Variants in KMT2C observed in about 807,000 individuals in gnomAD.
KMT2C encodes the protein histone-lysine N-methyltransferase 2C.
KMT2C carries 88 observed loss-of-function variants against 507.9 expected under a neutral mutation model. The ratio of observed to expected loss-of-function variants is 0.17; its 90% confidence interval spans 0.15 to 0.21. The LOEUF (loss-of-function observed/expected upper bound fraction) is 0.21. Ranked by LOEUF, KMT2C falls within the 10% of genes least tolerant of loss-of-function variation. The pLI is 1.00. For missense variants in KMT2C, 4,954 were observed against 5,957.8 expected (o/e 0.83, Z 5.55); for synonymous variants, 2,049 against 2,080.8 (o/e 0.98, Z 0.42).
chr7:152,388,877 T>A (rs1199539437), intron 1 of KMT2C, among the ~76,000 whole-genome samples: 1 of 152,284 alleles, frequency 6.6e-6, no homozygotes, highest in East Asian at 1.9e-4. Context: ...GCCTCCCAAG[T>A]AGCTGGGATT....
chr7:152,222,812 C>T (rs2094816336), intron 20 of KMT2C, 130 bp from the exon 21 acceptor site: 3 of 609,582 alleles, frequency 4.9e-6, no homozygotes, highest in Non-Finnish European at 8.9e-6. Context: ...CCTACCTTGC[C>T]CTTTTCTCCT....
At chr7:152,343,220 C>T (rs1178795872) in intron 2 of KMT2C, among the ~76,000 whole-genome samples, 1 of 151,940 alleles carries the variant, frequency 6.6e-6, no homozygotes, top group Non-Finnish European at 1.5e-5. Flanking sequence ...AATATGCTAA[C>T]GGTTCTAATG....
chr7:152,387,634 C>T (rs2097443602), intron 1 of KMT2C, among the ~76,000 whole-genome samples: 4 of 152,214 alleles, frequency 2.6e-5, no homozygotes, highest in Non-Finnish European at 5.9e-5. Context: ...CCATACCCGG[C>T]TAATTTTTTG....
At chr7:152,367,738 T>C (rs1226763034) in intron 1 of KMT2C, 7 of 1,142,532 alleles carry the variant, frequency 6.1e-6, no homozygotes, top group African/African-American at 1.5e-5. Context: ...TGGCAGCCTC[T>C]TATCGATTAC....
rs2096400901 is a variant in KMT2C, at chr7:152,290,286, ATATATATATTTTTTTTTTTTTTT to A, written c.850-16442_850-16420del. On this transcript the variant is annotated intron_variant, in intron 6 of 58. Coordinates refer to ENST00000262189, the MANE Select transcript of KMT2C (RefSeq NM_170606.3). ...TATATATATATATATATATATATAT[ATATATATATTTTTTTTTTTTTTT>A]TTTTTTTTTTTTTTTGTCTGAGATG... Among the ~76,000 whole-genome samples, 36 of 33,808 alleles carry A rather than the reference ATATATATATTTTTTTTTTTTTTT, an allele frequency of 1.1e-3. 3 individuals are homozygous for A. Among genetic ancestry groups the A allele is most frequent in the African/African-American group, 5.3e-3 (35 of 6,630 alleles). The allele number at this position is 33,808 out of a possible 152,430, so 22.2% of individuals were successfully genotyped here.
chr7:152,223,132 A>G (rs1188078194), intron 20 of KMT2C, among the ~76,000 whole-genome samples: 2 of 152,194 alleles, frequency 1.3e-5, no homozygotes, highest in Admixed American at 1.3e-4. Context: ...CTTGCAATGG[A>G]ACAAATAATT....
At chr7:152,153,048 G>C (rs2129097946) in intron 48 of KMT2C, 94 bp from the exon 49 acceptor site, 1 of 1,408,904 alleles carries the variant, frequency 7.1e-7, no homozygotes, top group Non-Finnish European at 9.6e-7. Context: ...CTCTTTGCAT[G>C]ATACATAGAT....
At chr7:152,373,677 GTTCT>G (rs1157005441) in intron 1 of KMT2C, among the ~76,000 whole-genome samples, 16 of 152,196 alleles carry the variant, frequency 1.1e-4, no homozygotes, top group African/African-American at 3.6e-4. Flanking sequence ...TGTTAAAAGA[GTTCT>G]TTAAGATTGT....
intron 14 of KMT2C, among the ~76,000 whole-genome samples, chr7:152,243,541 G>A (rs2095421290): frequency 6.6e-6 from 1 of 152,084 alleles, no homozygotes; most frequent in Non-Finnish European, 1.5e-5. Flanking sequence ...CAGCACTTTG[G>A]GAGGACAAGG....
Position 152,148,724 on chromosome 7 carries a change from T to A in KMT2C, c.13203A>T (p.Lys4401Asn), listed in dbSNP as rs1329495551. ...KPDPVPKDYR[K>N]CCFCHEEGDG... ...CACCTTCTTCATGACAAAAGCAACATTTCCGATAGTCTTTGGGCACAGGAT... is the reference window on the plus strand; with the variant it reads ...CACCTTCTTCATGACAAAAGCAACAATTCCGATAGTCTTTGGGCACAGGAT... Residue 4401 changes from lysine to asparagine, a missense_variant, in exon 52 of 59, where the codon AAA becomes AAT. Physicochemically the swap from Lys to Asn is moderately conservative, Grantham distance 94 (BLOSUM62 0). Around this residue, in one of 29 missense-constraint regions of KMT2C, gnomAD observed 39 missense variants for 101.8 expected, o/e 0.38. Transcript: ENST00000262189. This position sits in a 1 kb window ranked among gnomAD's most constrained non-coding sequence, Gnocchi z 7.1. 2 of 1,614,074 alleles carry A rather than the reference T, an allele frequency of 1.2e-6. No individual in the cohort carries two copies. Among genetic ancestry groups the A allele is most frequent in the Non-Finnish European group, 1.7e-6 (2 of 1,180,038 alleles).
chr7:152,422,372 T>C (rs1338500774), intron 1 of KMT2C, among the ~76,000 whole-genome samples: 4 of 151,560 alleles, frequency 2.6e-5, no homozygotes, highest in Non-Finnish European at 5.9e-5. Context: ...CGAGAATCGC[T>C]TGAACCCAGG....
chr7:152,270,863 T>G lies in KMT2C; in HGVS notation c.1012+2842A>C, dbSNP rs546282728. On this transcript the variant is annotated intron_variant, in intron 7 of 58. Transcript: ENST00000262189. ...GTGTTTCCTGAAGAAAATCTTGGCCTTCTTCACAGATACTCTCTTTAGTGA... is the reference window on the plus strand; with the variant it reads ...GTGTTTCCTGAAGAAAATCTTGGCCGTCTTCACAGATACTCTCTTTAGTGA... 2.6e-5 allele frequency among the ~76,000 whole-genome samples: 4 copies of G among 152,340 alleles called. No homozygotes were observed. In the South Asian group the frequency reaches 8.3e-4, roughly 32 times the overall value.
chr7:152,165,636 C>A (rs1028207003), intron 42 of KMT2C, among the ~76,000 whole-genome samples: 1 of 152,164 alleles, frequency 6.6e-6, no homozygotes, highest in African/African-American at 2.4e-5. Context: ...AATCCCTAAT[C>A]TAATAGTTAT....
In KMT2C at chr7:152,358,581, T is replaced by C. The variant is rs2097171121; in HGVS notation, c.250+6A>G. The C allele has an allele frequency of 1.3e-6, 2 of 1,573,240 alleles. No homozygotes were observed. Among genetic ancestry groups the C allele is most frequent in the Non-Finnish European group, 1.7e-6 (2 of 1,144,034 alleles). On this transcript the variant is annotated splice_donor_region_variant and intron_variant, in intron 2 of 58. Transcript: ENST00000262189. The stretch of plus-strand genomic sequence containing the variant: ...TACATTCTTATAAATTCTTGAGTTC[T>C]GATACCTGTTTCCACAATCGTTTCT...
intron 16 of KMT2C, among the ~76,000 whole-genome samples, chr7:152,234,938 G>C (rs2095234403): frequency 6.6e-6 from 1 of 152,146 alleles, no homozygotes; most frequent in East Asian, 1.9e-4. Flanking sequence ...TGCATCCACA[G>C]TTTTATTAAT....
chr7:152,239,284 A>C (rs1286060558), intron 14 of KMT2C, among the ~76,000 whole-genome samples: 1 of 152,228 alleles, frequency 6.6e-6, no homozygotes, highest in African/African-American at 2.4e-5. Context: ...ATAAACAACC[A>C]AAACCAGTAG....
chr7:152,145,399 GT>G, intron 53 of KMT2C, 104 bp from the exon 54 acceptor site: 2 of 1,122,220 alleles, frequency 1.8e-6, no homozygotes, highest in Non-Finnish European at 1.3e-6. Flanking sequence ...ACTCATCAGC[GT>G]TTTCCCCGAT....
At position 152,315,120 on chromosome 7, in the gene KMT2C, A is replaced by T. The variant is rs761165298; in HGVS notation, c.590+18T>A. On this transcript the variant is annotated intron_variant, in intron 4 of 58. Transcript: ENST00000262189. Reference sequence around the variant, plus strand: ...GCAGTCTTAATCTATTCCAACATTTAAAGTCGAAACTGCTTACTTTCTCTG... The same window carrying T: ...GCAGTCTTAATCTATTCCAACATTTTAAGTCGAAACTGCTTACTTTCTCTG... 6.2e-7 allele frequency: 1 copy of T among 1,604,250 alleles called. No individual in the cohort carries two copies. Among genetic ancestry groups the T allele is most frequent in the South Asian group, 1.1e-5 (1 of 90,806 alleles).
intron 43 of KMT2C, among the ~76,000 whole-genome samples, chr7:152,161,643 T>C (rs932778766): frequency 4.7e-4 from 71 of 152,190 alleles, no homozygotes; most frequent in African/African-American, 1.7e-3. Flanking sequence ...AGTATCTACA[T>C]GTAACATTAC....
Sources: gnomAD v4.1 joint callset for allele counts (sites outside exome capture counted in the v4.1 genomes callset) on GRCh38, gnomAD v4.1.1 for gene constraint, gnomAD v4.1.1 regional missense constraint, Gnocchi (gnomAD v3.1) non-coding constraint, MANE v1.5 for transcripts, NCBI Gene and HGNC (gene_info 2026-07-23, HGNC 2026-07-21) for gene names.